Variants in PIGZ observed in about 807,000 individuals in gnomAD.
PIGZ encodes GPI alpha-1,2-mannosyltransferase 4.
Under a neutral mutation model 16.4 loss-of-function variants are expected in PIGZ, and 16 were observed. The observed-to-expected ratio is 0.97, with a 90% CI of 0.66 to 1.48. The LOEUF is 1.48. Among genes scored for constraint, PIGZ ranks in the 40% most tolerant of loss-of-function variants. The pLI is 0.00. For synonymous variants in PIGZ, 409 were observed against 338.4 expected, an observed-to-expected ratio of 1.21 and a Z score of -2.29; for missense variants, 770 against 739.2, an observed-to-expected ratio of 1.04 and a Z score of -0.48.
intron 1 of PIGZ, among the ~76,000 whole-genome samples, chr3:196,964,093 C>T (rs1475699475): frequency 6.6e-6 from 1 of 151,880 alleles, no homozygotes; most frequent in Non-Finnish European, 1.5e-5. Context: ...CTCTGTCGCC[C>T]AGGCTGGAGT....
At chr3:196,951,384 C>G (rs1717276435) in intron 2 of PIGZ, among the ~76,000 whole-genome samples, 1 of 152,218 alleles carries the variant, frequency 6.6e-6, no homozygotes, top group African/African-American at 2.4e-5. Context: ...CACCGCCTAA[C>G]AGATGAGTGA....
At position 196,948,194 on chromosome 3, in the gene PIGZ, C is replaced by G; in HGVS notation, c.703G>C (p.Val235Leu). 1 of 1,614,136 alleles carries G rather than the reference C, an allele frequency of 6.2e-7. No homozygotes were observed. Among genetic ancestry groups the G allele is most frequent in the South Asian group, 1.1e-5 (1 of 91,082 alleles). The change falls in exon 3 of 3, where the codon GTG becomes CTG. Residue 235 changes from valine (V) to leucine (L), a missense_variant. Val to Leu is a conservative substitution (Grantham distance 32, BLOSUM62 1). Coordinates refer to ENST00000412723, the MANE Select transcript of PIGZ (RefSeq NM_025163.4). ...FNRPTFLAFAVVPLYLWGTRG... is the reference protein window; with the variant it reads ...FNRPTFLAFALVPLYLWGTRG... ...GTGCCCCAGAGGTAGAGGGGGACCA[C>G]AGCAAAGGCCAGAAAGGTGGGCCGG...
At chr3:196,949,637 G>A (rs556423664) in intron 2 of PIGZ, among the ~76,000 whole-genome samples, 1 of 152,334 alleles carries the variant, frequency 6.6e-6, no homozygotes, top group East Asian at 1.9e-4. Flanking sequence ...ACAGACGGGT[G>A]CAGTTTGAGC....
At position 196,947,977 on chromosome 3, in the gene PIGZ, G is replaced by T. The variant is rs368275616; in HGVS notation, c.920C>A (p.Ala307Glu). ...GAGCCGCGCGTGCGTGCCATGTCTC[G>T]CCAGGTTTTGGGGATTCAGGTTGTA... ...LHYNLNPQNL[A>E]RHGTHARLTH... Residue 307 changes from alanine to glutamate, a missense_variant, in exon 3 of 3, where the codon GCG becomes GAG. Physicochemically the swap from Ala to Glu is moderately radical, Grantham distance 107 (BLOSUM62 -1). Transcript: ENST00000412723. 6.2e-7 allele frequency: 1 copy of T among 1,607,950 alleles called. No homozygotes were observed. The highest frequency in any genetic ancestry group is 1.1e-5 in the South Asian group (1 of 90,560).
intron 2 of PIGZ, among the ~76,000 whole-genome samples, chr3:196,949,616 A>G (rs746037): frequency 0.36 from 54,592 of 152,108 alleles, 10,948 homozygotes; most frequent in East Asian, 0.88. Context: ...GATGGACAGA[A>G]CTGTGAACTC....
At chr3:196,953,407 A>C (rs539363990) in intron 1 of PIGZ, among the ~76,000 whole-genome samples, 2 of 151,978 alleles carry the variant, frequency 1.3e-5, no homozygotes, top group Non-Finnish European at 2.9e-5. Flanking sequence ...GTTTCCAGTC[A>C]CTCCCTCCAA....
chr3:196,947,894 G>T lies in PIGZ; in HGVS notation c.1003C>A (p.Gln335Lys). 6.2e-7 allele frequency: 1 copy of T among 1,613,992 alleles called. No individual in the cohort carries two copies. Among genetic ancestry groups the T allele is most frequent in the Non-Finnish European group, 8.5e-7 (1 of 1,179,922 alleles). ...LFGVLHAQALQAAWQRLQVGL... is the reference protein window; with the variant it reads ...LFGVLHAQALKAAWQRLQVGL... ...ACTTGCAGCCGTTGCCACGCAGCCT[G>T]CAGGGCCTGGGCATGCAGCACCCCG... is the stretch of plus-strand genomic sequence containing the variant. The change falls in exon 3 of 3, where the codon CAG becomes AAG. Residue 335 changes from glutamine to lysine, a missense_variant. Gln to Lys is a moderately conservative substitution (Grantham distance 53). Transcript: ENST00000412723.
intron 1 of PIGZ, among the ~76,000 whole-genome samples, chr3:196,960,496 AC>A (rs1469597865): frequency 6.6e-6 from 1 of 151,956 alleles, no homozygotes; most frequent in African/African-American, 2.4e-5. Flanking sequence ...ACATGGTGAA[AC>A]CCTGTCTCTA....
At chr3:196,959,708 A>G (rs1717632193) in intron 1 of PIGZ, among the ~76,000 whole-genome samples, 1 of 151,766 alleles carries the variant, frequency 6.6e-6, no homozygotes, top group Non-Finnish European at 1.5e-5. Context: ...TTTAATTTCA[A>G]TTTTTTTTAG....
Position 196,948,548 on chromosome 3 carries a change from G to GCCAGT in PIGZ, c.348_349insACTGG (p.Pro117ThrfsTer6). On this transcript the variant is annotated frameshift_variant, in exon 3 of 3. Coordinates refer to ENST00000412723, the MANE Select transcript of PIGZ (RefSeq NM_025163.4). LOFTEE classifies it low-confidence loss of function (END_TRUNC). ...AGCGCATAGCCGCTCACCAGGCCAGGCCACGGCCCCAGCTCCTCCCAGAGC... is the reference window on the plus strand; with the variant it reads ...AGCGCATAGCCGCTCACCAGGCCAGGCCAGTCCACGGCCCCAGCTCCTCCCAGAGC... 6.2e-7 allele frequency: 1 copy of GCCAGT among 1,605,620 alleles called. No homozygotes were observed. The highest frequency in any genetic ancestry group is 8.5e-7 in the Non-Finnish European group (1 of 1,176,324).
intron 1 of PIGZ, among the ~76,000 whole-genome samples, chr3:196,968,382 A>G (rs572662907): frequency 2.8e-4 from 42 of 152,124 alleles, no homozygotes; most frequent in Non-Finnish European, 5.0e-4. Flanking sequence ...CCAGGCCTCA[A>G]CCTGCGCCCA....
intron 1 of PIGZ, among the ~76,000 whole-genome samples, chr3:196,952,557 C>A (rs1264286677): frequency 1.3e-5 from 2 of 152,120 alleles, no homozygotes; most frequent in African/African-American, 4.8e-5. Flanking sequence ...CCTGCCTCAG[C>A]CTCCTGAGAA....
chr3:196,968,428 C>T lies in PIGZ; in HGVS notation c.-1+259G>A, dbSNP rs560759979. On this transcript the variant is annotated intron_variant, in intron 1 of 2. Transcript: ENST00000412723. ...CTGGAGTGGAGTTTACCCACTGCCG[C>T]CCTTCCTGGGCAAATGTCACCGCTG... 2.6e-5 allele frequency among the ~76,000 whole-genome samples: 4 copies of T among 152,344 alleles called. No individual in the cohort carries two copies. In the East Asian group the frequency reaches 7.7e-4, roughly 29 times the overall value.
intron 2 of PIGZ, among the ~76,000 whole-genome samples, chr3:196,949,632 C>T (rs1279431262): frequency 4.6e-5 from 7 of 152,202 alleles, no homozygotes; most frequent in South Asian, 2.1e-4. Flanking sequence ...AACTCACAGA[C>T]GGGTGCAGTT....
intron 1 of PIGZ, among the ~76,000 whole-genome samples, chr3:196,952,429 T>G (rs1396826990): frequency 2.0e-5 from 3 of 152,150 alleles, no homozygotes; most frequent in Non-Finnish European, 4.4e-5. Context: ...TAGCCTTTGT[T>G]GTGGTTTTTT....
chr3:196,957,381 C>CTTTT (rs34320533), intron 1 of PIGZ, among the ~76,000 whole-genome samples: 1 of 143,544 alleles, frequency 7.0e-6, no homozygotes, highest in Non-Finnish European at 1.5e-5. Context: ...TTTTTTCTTC[C>CTTTT]TTTTTTTTTT....
intron 2 of PIGZ, among the ~76,000 whole-genome samples, chr3:196,949,043 CTTCCCTTCCCTTCCT>C (rs1717149922): frequency 1.9e-5 from 1 of 53,114 alleles, no homozygotes; most frequent in African/African-American, 1.1e-4. Flanking sequence ...CCCTTCCTTC[CTTCCCTTCCCTTCCT>C]TCCCCTTCCT....
At position 196,947,970 on chromosome 3, in the gene PIGZ, A is replaced by G. The variant is rs762964663; in HGVS notation, c.927T>C (p.His309=). The change falls in exon 3 of 3, where the codon CAT becomes CAC. Residue 309 remains histidine (H), a synonymous_variant. Coordinates refer to ENST00000412723, the MANE Select transcript of PIGZ (RefSeq NM_025163.4). ...GGTGAGTGAGCCGCGCGTGCGTGCC[A>G]TGTCTCGCCAGGTTTTGGGGATTCA... ...YNLNPQNLAR[H]GTHARLTHLA... is the part of the protein sequence containing the mutation. 6.2e-7 allele frequency: 1 copy of G among 1,609,338 alleles called. No homozygotes were observed. Among genetic ancestry groups the G allele is most frequent in the Non-Finnish European group, 8.5e-7 (1 of 1,177,158 alleles).
At chr3:196,960,186 G>C (rs1299677235) in intron 1 of PIGZ, among the ~76,000 whole-genome samples, 2 of 152,166 alleles carry the variant, frequency 1.3e-5, no homozygotes, top group Non-Finnish European at 2.9e-5. Context: ...TTACTTCTGG[G>C]TGTTCAGAGA....
Sources: allele counts gnomAD v4.1 joint callset (sites outside exome capture counted in the v4.1 genomes callset), GRCh38; gene constraint gnomAD v4.1.1; transcripts MANE v1.5; gene names NCBI Gene and HGNC (gene_info 2026-07-23, HGNC 2026-07-21).